Variants in FAM204A observed in about 807,000 individuals in gnomAD.
FAM204A encodes the protein family with sequence similarity 204 member A, also known as protein FAM204A.
Under a neutral mutation model 35.4 loss-of-function variants are expected in FAM204A, and 16 were observed. That is an observed-to-expected ratio of 0.45 (90% CI 0.31 to 0.69). FAM204A has a LOEUF of 0.69. FAM204A is among the 30% of genes least tolerant of loss of function. FAM204A has a pLI of 0.07. For missense variants in FAM204A, 240 were observed against 265.7 expected, an observed-to-expected ratio of 0.90 and a Z score of 0.67; for synonymous variants, 76 against 86.9, an observed-to-expected ratio of 0.88 and a Z score of 0.70.
chr10:118,321,098 T>C (rs1846109379), intron 7 of FAM204A, among the ~76,000 whole-genome samples: 1 of 151,928 alleles, frequency 6.6e-6, no homozygotes, highest in Non-Finnish European at 1.5e-5. Flanking sequence ...GAGCAAAGGC[T>C]TTATCAGCAG....
intron 7 of FAM204A, among the ~76,000 whole-genome samples, chr10:118,317,294 T>C (rs1846046407): frequency 6.6e-6 from 1 of 152,108 alleles, no homozygotes; most frequent in Non-Finnish European, 1.5e-5. Context: ...GGCTTTAATT[T>C]ACTAAAATGG....
In FAM204A at chr10:118,309,361, A is replaced by G. The variant is rs1699867139; in HGVS notation, c.*1496T>C. 6.6e-6 allele frequency: 1 copy of G among 152,220 alleles called. No individual in the cohort carries two copies. Among genetic ancestry groups the G allele is most frequent in the African/African-American group, 2.4e-5 (1 of 41,462 alleles). 9.4% of individuals were successfully genotyped at this position (152,220 alleles called of 1,614,324 possible). On this transcript the variant is annotated 3_prime_UTR_variant, in exon 9 of 9. Coordinates refer to ENST00000369183, the MANE Select transcript of FAM204A (RefSeq NM_022063.3). The stretch of plus-strand genomic sequence containing the variant: ...AGCCATTAAATGTGCCACCATAAAT[A>G]AAATTTTGTTACTATTTTAAGTCTA...
intron 7 of FAM204A, among the ~76,000 whole-genome samples, chr10:118,324,762 T>C (rs887507779): frequency 6.6e-6 from 1 of 152,120 alleles, no homozygotes; most frequent in African/African-American, 2.4e-5. Flanking sequence ...AGGGTAGTGA[T>C]GGTTGGACAG....
intron 3 of FAM204A, among the ~76,000 whole-genome samples, chr10:118,335,843 T>C (rs1386204537): frequency 6.6e-6 from 1 of 152,170 alleles, no homozygotes; most frequent in African/African-American, 2.4e-5. Flanking sequence ...AATAAGTCAT[T>C]TGATAATTTG....
chr10:118,336,625 A>T (rs915046080), intron 2 of FAM204A, among the ~76,000 whole-genome samples: 2 of 152,128 alleles, frequency 1.3e-5, no homozygotes, highest in African/African-American at 2.4e-5. Flanking sequence ...GTAAAAAAAA[A>T]GTTTAGAAGT....
At chr10:118,317,816 C>T (rs929280372) in intron 7 of FAM204A, among the ~76,000 whole-genome samples, 1 of 151,918 alleles carries the variant, frequency 6.6e-6, no homozygotes, top group African/African-American at 2.4e-5. Flanking sequence ...TTAAAATAGC[C>T]CTTTAAAAGC....
At chr10:118,337,958 T>G (rs1392955743) in intron 2 of FAM204A, among the ~76,000 whole-genome samples, 1 of 152,224 alleles carries the variant, frequency 6.6e-6, no homozygotes, top group African/African-American at 2.4e-5. Context: ...TAGCAACTGA[T>G]GCAATCATTT....
chr10:118,332,954 T>G (rs923346495), intron 6 of FAM204A, among the ~76,000 whole-genome samples: 1 of 152,182 alleles, frequency 6.6e-6, no homozygotes, highest in Non-Finnish European at 1.5e-5. Flanking sequence ...AATAATTATG[T>G]TATGATTACA....
Position 118,308,037 on chromosome 10 carries a change from A to G in FAM204A, c.*2820T>C, listed in dbSNP as rs1845892832. 1.3e-5 allele frequency: 2 copies of G among 152,234 alleles called. No homozygotes were observed. The highest frequency in any genetic ancestry group is 2.9e-5 in the Non-Finnish European group (2 of 68,044). 9.4% of individuals were successfully genotyped at this position (152,234 alleles called of 1,614,324 possible). On this transcript the variant is annotated 3_prime_UTR_variant, in exon 9 of 9. Transcript: ENST00000369183. ...ATTCAATCTCTCCTTTCGGTGAAAG[A>G]CATAGAATGTTCTGCTGAAAATCAG...
At chr10:118,323,590 C>A (rs975767297) in intron 7 of FAM204A, among the ~76,000 whole-genome samples, 1 of 152,146 alleles carries the variant, frequency 6.6e-6, no homozygotes, top group African/African-American at 2.4e-5. Flanking sequence ...TCCCTTAAAT[C>A]TTGAGCCACT....
chr10:118,326,615 A>T (rs1366557980), intron 6 of FAM204A, among the ~76,000 whole-genome samples: 1 of 152,228 alleles, frequency 6.6e-6, no homozygotes, highest in Admixed American at 6.5e-5. Flanking sequence ...TAATTCTTAT[A>T]ACAACTCCAT....
chr10:118,321,257 T>A (rs749654986), intron 7 of FAM204A, among the ~76,000 whole-genome samples: 4 of 152,070 alleles, frequency 2.6e-5, no homozygotes, highest in Non-Finnish European at 5.9e-5. Context: ...CAAAATCCCA[T>A]CTCTCATATC....
intron 6 of FAM204A, among the ~76,000 whole-genome samples, chr10:118,328,422 C>T (rs1300421436): frequency 2.0e-5 from 3 of 151,702 alleles, no homozygotes; most frequent in African/African-American, 7.3e-5. Flanking sequence ...AATGCAAATT[C>T]TGTGGAAAAA....
At position 118,308,610 on chromosome 10, in the gene FAM204A, G is replaced by A. The variant is rs1171506268; in HGVS notation, c.*2247C>T. ...TGCCCAGAAAGGAGTGACGACTTGG[G>A]AGAAGTGGCTTCCTTTATTAGATGA... On this transcript the variant is annotated 3_prime_UTR_variant, in exon 9 of 9. Transcript: ENST00000369183. 1 of 152,200 alleles carries A rather than the reference G, an allele frequency of 6.6e-6. No homozygotes were observed. The highest frequency in any genetic ancestry group is 1.9e-4 in the East Asian group (1 of 5,190). 9.4% of individuals were successfully genotyped at this position (152,200 alleles called of 1,614,324 possible). A position where few individuals can be genotyped will look rare whatever the true frequency, so the allele number is the denominator to read the frequency against.
chr10:118,338,152 C>T (rs1264584563), intron 2 of FAM204A, among the ~76,000 whole-genome samples: 1 of 152,180 alleles, frequency 6.6e-6, no homozygotes, highest in Non-Finnish European at 1.5e-5. Flanking sequence ...TCAGAATTTA[C>T]ATTTCTTTGT....
At chr10:118,336,734 A>C (rs1323484282) in intron 2 of FAM204A, among the ~76,000 whole-genome samples, 2 of 152,194 alleles carry the variant, frequency 1.3e-5, no homozygotes, top group Non-Finnish European at 2.9e-5. Flanking sequence ...TCTAAAAAAA[A>C]CATGAAATTC....
intron 5 of FAM204A, 32 bp from the exon 6 acceptor site, chr10:118,335,245 A>G (rs367862165): frequency 1.3e-6 from 2 of 1,589,766 alleles, no homozygotes; most frequent in Non-Finnish European, 1.7e-6. Context: ...TGTTTTATAC[A>G]ATATATACTG....
chr10:118,331,024 G>A (rs1846280809), intron 6 of FAM204A, among the ~76,000 whole-genome samples: 1 of 152,088 alleles, frequency 6.6e-6, no homozygotes, highest in African/African-American at 2.4e-5. Context: ...TAAATAATAA[G>A]GTGCTCCTAT....
At position 118,310,275 on chromosome 10, in the gene FAM204A, A is replaced by G. The variant is rs1028584330; in HGVS notation, c.*582T>C. On this transcript the variant is annotated 3_prime_UTR_variant, in exon 9 of 9. Transcript: ENST00000369183. Reference sequence around the variant, plus strand: ...AATCATATGAGGCCAGGAGTTCAAGACCAGCCTGACCAACACAGCAAAACT... The same window carrying G: ...AATCATATGAGGCCAGGAGTTCAAGGCCAGCCTGACCAACACAGCAAAACT... 6.6e-6 allele frequency: 1 copy of G among 151,340 alleles called. No individual in the cohort carries two copies. The highest frequency in any genetic ancestry group is 2.4e-5 in the African/African-American group (1 of 41,068). The allele number at this position is 151,340 out of a possible 1,614,324, so 9.4% of individuals were successfully genotyped here. A position where few individuals can be genotyped will look rare whatever the true frequency, so the allele number is the denominator to read the frequency against.
Sources: allele counts gnomAD v4.1 joint callset (sites outside exome capture counted in the v4.1 genomes callset), GRCh38; gene constraint gnomAD v4.1.1; transcripts MANE v1.5; gene names NCBI Gene and HGNC (gene_info 2026-07-23, HGNC 2026-07-21).